Variants in CASD1 observed in about 807,000 individuals in gnomAD.
CASD1 encodes the protein N-acetylneuraminate (7)9-O-acetyltransferase.
In CASD1, 41 loss-of-function variants were observed where a neutral mutation model predicts 100.0. That is an observed-to-expected ratio of 0.41 (90% CI 0.32 to 0.53). The LOEUF (loss-of-function observed/expected upper bound fraction) is 0.53, where lower values mean the gene tolerates loss of function less well. CASD1 is among the 20% of genes least tolerant of loss of function. CASD1 has a pLI of 0.25. For missense variants in CASD1, 774 were observed against 948.7 expected, an observed-to-expected ratio of 0.82 and a Z score of 2.42; for synonymous variants, 321 against 315.6, an observed-to-expected ratio of 1.02 and a Z score of -0.18.
chr7:94,605,927 C>T, the CASD1 span, among the ~76,000 whole-genome samples: 1 of 152,144 alleles, frequency 6.6e-6, no homozygotes, highest in Non-Finnish European at 1.5e-5. Context: ...CTCCTGGGTT[C>T]AAGCAATTCT....
chr7:94,517,570 G>A lies in CASD1; in HGVS notation c.144G>A (p.Ser48=), dbSNP rs758026067. 4.2e-5 allele frequency: 67 copies of A among 1,609,662 alleles called. No homozygotes were observed. Among genetic ancestry groups the A allele is most frequent in the Admixed American group, 3.0e-4 (18 of 59,584 alleles). The change falls in exon 2 of 18, where the codon TCG becomes TCA. Residue 48 remains serine, a synonymous_variant. Coordinates refer to ENST00000297273, the MANE Select transcript of CASD1 (RefSeq NM_022900.5). ...LASRRYRGND[S]CEYLLSSGRF... ...GTTTAACTGTTTTAGGCAATGATTC[G>A]TGTGAATACCTTCTCTCAAGTGGCA...
chr7:94,610,941 C>T, the CASD1 span, among the ~76,000 whole-genome samples: 1 of 152,076 alleles, frequency 6.6e-6, no homozygotes, highest in Admixed American at 6.6e-5. Context: ...ATCAAAACCA[C>T]AATGAGATAC....
At chr7:94,616,788 TTA>T in the CASD1 span, 1 of 152,222 alleles carries the variant, frequency 6.6e-6, no homozygotes, top group Admixed American at 6.5e-5. Flanking sequence ...AGATTTTATT[TTA>T]TGAGTGTTTG....
the CASD1 span, among the ~76,000 whole-genome samples, chr7:94,579,113 CAGTGCAT>C: frequency 6.6e-6 from 1 of 151,480 alleles, no homozygotes; most frequent in Non-Finnish European, 1.5e-5. Flanking sequence ...TTTTATTCAC[CAGTGCAT>C]AGTTCAATGC....
chr7:94,523,459 G>A (rs1220884795), intron 3 of CASD1, among the ~76,000 whole-genome samples: 1 of 152,146 alleles, frequency 6.6e-6, no homozygotes, highest in Non-Finnish European at 1.5e-5. Context: ...GTGTGCAATG[G>A]TAACGGCAAC....
the CASD1 span, among the ~76,000 whole-genome samples, chr7:94,631,298 C>CTT: frequency 2.9e-4 from 42 of 146,370 alleles, no homozygotes; most frequent in East Asian, 6.3e-3. Context: ...GAATTTTATA[C>CTT]TTTTTTTTTT....
At chr7:94,629,849 C>T in the CASD1 span, 15 of 1,609,970 alleles carry the variant, frequency 9.3e-6, no homozygotes, top group Non-Finnish European at 1.7e-6. Flanking sequence ...ACACTGAAAA[C>T]AAAGAGGAAA....
At chr7:94,528,418 G>A (rs1336307404) in intron 5 of CASD1, among the ~76,000 whole-genome samples, 168 bp downstream of exon 5, 5 of 152,098 alleles carry the variant, frequency 3.3e-5, no homozygotes, top group African/African-American at 7.2e-5. Context: ...ATTGAGAAGA[G>A]AAGATGTAGA....
the CASD1 span, chr7:94,624,750 C>T: frequency 6.6e-6 from 1 of 152,040 alleles, no homozygotes; most frequent in Non-Finnish European, 1.5e-5. Flanking sequence ...GTTACAATAT[C>T]ATGAAGCTTC....
chr7:94,515,963 G>T (rs1793959739), intron 1 of CASD1, among the ~76,000 whole-genome samples: 1 of 152,012 alleles, frequency 6.6e-6, no homozygotes, highest in Admixed American at 6.5e-5. Flanking sequence ...ATAAAAGAAT[G>T]CTACAGAAAT....
chr7:94,549,285 ATAAG>A (rs1562948949), intron 13 of CASD1, among the ~76,000 whole-genome samples: 2 of 151,966 alleles, frequency 1.3e-5, no homozygotes, highest in Admixed American at 1.3e-4. Flanking sequence ...TGAAATGAAA[ATAAG>A]TTTACCAAGT....
chr7:94,515,847 T>C (rs1458186747), intron 1 of CASD1, among the ~76,000 whole-genome samples: 2 of 152,138 alleles, frequency 1.3e-5, no homozygotes, highest in African/African-American at 4.8e-5. Flanking sequence ...TTTGCTAACT[T>C]TTAACTTGGT....
At chr7:94,563,313 G>C in the CASD1 span, among the ~76,000 whole-genome samples, 1 of 152,124 alleles carries the variant, frequency 6.6e-6, no homozygotes, top group East Asian at 1.9e-4. Context: ...GTCAGAAAAG[G>C]CCTCTGTGGA....
At chr7:94,603,406 G>T in the CASD1 span, 1 of 1,613,026 alleles carries the variant, frequency 6.2e-7, no homozygotes, top group Non-Finnish European at 8.5e-7. Context: ...TCAACTTCTC[G>T]TAAACAAGAA....
chr7:94,518,726 C>A (rs1794099256), intron 3 of CASD1, among the ~76,000 whole-genome samples: 1 of 151,606 alleles, frequency 6.6e-6, no homozygotes. Flanking sequence ...AATTTTATAT[C>A]TTGCTTTTTT....
At chr7:94,623,737 C>CAAA in the CASD1 span, 3 of 334,420 alleles carry the variant, frequency 9.0e-6, no homozygotes, top group Admixed American at 4.9e-5. Context: ...TCTAAGATTT[C>CAAA]AAAAAAAAAA....
At chr7:94,544,140 G>A (rs1316843685) in intron 10 of CASD1, among the ~76,000 whole-genome samples, 2 of 152,116 alleles carry the variant, frequency 1.3e-5, no homozygotes, top group Non-Finnish European at 2.9e-5. Context: ...CTTCAAGGAA[G>A]GAAGGAATAG....
rs1178944800 is a variant in CASD1 at position 94,510,068 on chromosome 7, G to A, written c.-17G>A. 1.5e-5 allele frequency: 22 copies of A among 1,511,444 alleles called. No homozygotes were observed. The highest frequency in any genetic ancestry group is 2.0e-5 in the Non-Finnish European group (22 of 1,127,290). The allele number at this position is 1,511,444 out of a possible 1,614,324, so 93.6% of individuals were successfully genotyped here. The stretch of plus-strand genomic sequence containing the variant: ...CTTTCCCGCTCCGCCGCGCACTGTT[G>A]TCATGGAGGAACCAAGATGGCGGCT... On this transcript the variant is annotated 5_prime_UTR_variant, in exon 1 of 18. Transcript: ENST00000297273.
the CASD1 span, chr7:94,625,927 A>C: frequency 1.3e-5 from 2 of 152,118 alleles, no homozygotes; most frequent in African/African-American, 4.8e-5. Context: ...TAGGACTGCC[A>C]GATAATAAGG....
Sources: allele counts gnomAD v4.1 joint callset (sites outside exome capture counted in the v4.1 genomes callset), GRCh38; gene constraint gnomAD v4.1.1; transcripts MANE v1.5; gene names NCBI Gene and HGNC (gene_info 2026-07-23, HGNC 2026-07-21).